ZNF516: variants seen among roughly 807,000 people sequenced by gnomAD.
ZNF516 encodes zinc finger protein 516.
ZNF516 carries 19 observed loss-of-function variants against 79.7 expected under a neutral mutation model. The observed-to-expected ratio is 0.24, with a 90% CI of 0.17 to 0.35. The LOEUF (loss-of-function observed/expected upper bound fraction) is 0.35, where lower values mean the gene tolerates loss of function less well. Among genes scored for constraint, ZNF516 ranks in the 10% least tolerant of loss-of-function variants. The pLI is 1.00. For missense variants in ZNF516, 1,678 were observed against 1,679.5 expected (o/e 1.00, Z 0.02); for synonymous variants, 877 against 739.5 (o/e 1.19, Z -3.02).
intron 4 of ZNF516, among the ~76,000 whole-genome samples, chr18:76,374,344 C>G (rs1390247271): frequency 6.6e-6 from 1 of 152,142 alleles, no homozygotes; most frequent in African/African-American, 2.4e-5. Flanking sequence ...ATGTTCTATT[C>G]CTGTATGTTT....
At chr18:76,426,136 A>G (rs1230926252) in intron 3 of ZNF516, among the ~76,000 whole-genome samples, 1 of 152,218 alleles carries the variant, frequency 6.6e-6, no homozygotes, top group Non-Finnish European at 1.5e-5. Context: ...TTAAATCTCT[A>G]TTTCCACAAG....
At chr18:76,454,362 ATTAC>A (rs1405362761) in intron 2 of ZNF516, among the ~76,000 whole-genome samples, 6 of 152,274 alleles carry the variant, frequency 3.9e-5, no homozygotes, top group Admixed American at 6.5e-5. Flanking sequence ...TGTGCAAGGA[ATTAC>A]TTAAGATTTT....
chr18:76,476,173 C>T (rs1200608675), intron 1 of ZNF516, among the ~76,000 whole-genome samples: 2 of 152,162 alleles, frequency 1.3e-5, no homozygotes, highest in Non-Finnish European at 2.9e-5. Context: ...CTAAATTACC[C>T]ACACAAATTT....
chr18:76,384,355 C>T (rs2074944728), intron 3 of ZNF516, among the ~76,000 whole-genome samples: 2 of 130,668 alleles, frequency 1.5e-5, no homozygotes, highest in South Asian at 2.8e-4. Context: ...ACGGCTCTCA[C>T]GTCCCCTCCA....
At position 76,459,662 on chromosome 18, in the gene ZNF516, G is replaced by C. The variant is rs545077491; in HGVS notation, c.-158+3366C>G. 6.6e-6 allele frequency among the ~76,000 whole-genome samples: 1 copy of C among 152,294 alleles called. No individual in the cohort carries two copies. The highest frequency in any genetic ancestry group is 2.4e-5 in the African/African-American group (1 of 41,566). ...AGTCAGAGTGGCCCAGCCTCCCCTG[G>C]ACCTGATGCGGGGCTTCAGGAAGTG... On this transcript the variant is annotated intron_variant, in intron 2 of 6. Coordinates refer to ENST00000443185, the MANE Select transcript of ZNF516 (RefSeq NM_014643.4). The surrounding 1 kb of genome is among the most constrained non-coding windows in gnomAD (Gnocchi z 5.0).
Position 76,467,563 on chromosome 18 carries a change from G to A in ZNF516, c.-271-4422C>T, listed in dbSNP as rs1173247614. Among the ~76,000 whole-genome samples, 2 of 152,196 alleles carry A rather than the reference G, an allele frequency of 1.3e-5. No individual in the cohort carries two copies. The highest frequency in any genetic ancestry group is 1.3e-4 in the Admixed American group (2 of 15,286). ...TGCAAGTAAGTGCTCAGTCAAGGAG[G>A]GGACAAGGCTTCGGAGGCTGGTGGT... On this transcript the variant is annotated intron_variant, in intron 1 of 6. Transcript: ENST00000443185. The surrounding 1 kb of genome is among the most constrained non-coding windows in gnomAD (Gnocchi z 4.2).
chr18:76,470,580 C>T (rs1913768487), intron 1 of ZNF516, among the ~76,000 whole-genome samples: 1 of 152,208 alleles, frequency 6.6e-6, no homozygotes. Flanking sequence ...GAGAATTTTA[C>T]TCCATTTGAT....
chr18:76,404,039 G>A (rs1169508415), intron 3 of ZNF516, among the ~76,000 whole-genome samples: 1 of 152,238 alleles, frequency 6.6e-6, no homozygotes, highest in East Asian at 1.9e-4. Context: ...TGGGGCTCCT[G>A]TCCACTGGGC....
chr18:76,470,435 C>T (rs548728890), intron 1 of ZNF516, among the ~76,000 whole-genome samples: 77 of 152,176 alleles, frequency 5.1e-4, no homozygotes, highest in Non-Finnish European at 9.3e-4. Context: ...CTGAAGTGAT[C>T]TTACATGCAA....
At chr18:76,444,424 AAAGG>A (rs1911916828) in intron 2 of ZNF516, among the ~76,000 whole-genome samples, 1 of 152,234 alleles carries the variant, frequency 6.6e-6, no homozygotes, top group Admixed American at 6.5e-5. Context: ...TTTCGCATAG[AAAGG>A]AAGCGTGTTT....
At chr18:76,419,380 A>C (rs756668554) in intron 3 of ZNF516, among the ~76,000 whole-genome samples, 3 of 152,222 alleles carry the variant, frequency 2.0e-5, no homozygotes, top group Non-Finnish European at 2.9e-5. Context: ...CCAGACCAAA[A>C]TATCGTTACC....
intron 3 of ZNF516, among the ~76,000 whole-genome samples, chr18:76,418,900 G>C (rs906042713): frequency 1.3e-5 from 2 of 152,264 alleles, no homozygotes; most frequent in African/African-American, 4.8e-5. Flanking sequence ...CTGAAGGGCA[G>C]AGGGTCTGCA....
chr18:76,366,574 G>A (rs977617653), intron 6 of ZNF516, among the ~76,000 whole-genome samples: 25 of 152,326 alleles, frequency 1.6e-4, no homozygotes, highest in African/African-American at 5.8e-4. Flanking sequence ...ATCAAACTGA[G>A]TTCATAAGCA....
At chr18:76,458,646 C>T (rs1057196577) in intron 2 of ZNF516, among the ~76,000 whole-genome samples, 1 of 147,144 alleles carries the variant, frequency 6.8e-6, no homozygotes, top group Non-Finnish European at 1.5e-5. Context: ...CATGCCTCAC[C>T]GTCGTGCGTG....
intron 3 of ZNF516, among the ~76,000 whole-genome samples, chr18:76,433,636 G>A (rs923339668): frequency 2.6e-5 from 4 of 152,192 alleles, no homozygotes; most frequent in Non-Finnish European, 5.9e-5. Flanking sequence ...ACGGGCAGGT[G>A]CCAGAGCTGA....
intron 1 of ZNF516, chr18:76,491,656 C>A: frequency 1.0e-5 from 7 of 685,842 alleles, no homozygotes; most frequent in Non-Finnish European, 1.3e-5. Flanking sequence ...AGCCCAGCAA[C>A]AAGCGGCCAC....
At chr18:76,408,875 A>G (rs1023504403) in intron 3 of ZNF516, among the ~76,000 whole-genome samples, 8 of 152,254 alleles carry the variant, frequency 5.3e-5, no homozygotes, top group African/African-American at 1.2e-4. Context: ...TGAAGCTACC[A>G]TGAAGCTGGG....
intron 2 of ZNF516, among the ~76,000 whole-genome samples, chr18:76,460,996 G>A (rs1027427790): frequency 9.2e-5 from 14 of 152,066 alleles, no homozygotes; most frequent in Admixed American, 4.6e-4. Flanking sequence ...TGGCCAACAC[G>A]GTGAAACCTC....
chr18:76,413,574 A>G (rs1482084113), intron 3 of ZNF516, among the ~76,000 whole-genome samples: 1 of 151,978 alleles, frequency 6.6e-6, no homozygotes, highest in Non-Finnish European at 1.5e-5. Context: ...CAAAAAAAAA[A>G]TTATGTCATG....
Sources: allele counts gnomAD v4.1 joint callset (sites outside exome capture counted in the v4.1 genomes callset), GRCh38; gene constraint gnomAD v4.1.1; non-coding constraint Gnocchi (gnomAD v3.1); transcripts MANE v1.5; gene names NCBI Gene and HGNC (gene_info 2026-07-23, HGNC 2026-07-21).